The following WASF2 variants were observed in gnomAD, a reference collection of about 807,000 sequenced individuals.
WASF2 encodes the protein WASP family member 2, also known as actin-binding protein WASF2.
In WASF2, 14 loss-of-function variants were observed where a neutral mutation model predicts 45.0. The observed-to-expected ratio is 0.31, with a 90% confidence interval of 0.21 to 0.49. The LOEUF (loss-of-function observed/expected upper bound fraction) is 0.49, where lower values mean the gene tolerates loss of function less well. Among genes scored for constraint, WASF2 ranks in the 20% least tolerant of loss-of-function variants. WASF2 has a pLI of 0.99. For synonymous variants in WASF2, 200 were observed against 236.3 expected (o/e 0.85, Z 1.41); for missense variants, 439 against 636.1 (o/e 0.69, Z 3.33).
Position 27,439,887 on chromosome 1 carries a change from C to G in WASF2, c.-43-10954G>C, listed in dbSNP as rs192496621. Among the ~76,000 whole-genome samples the G allele has an allele frequency of 5.9e-5, 9 of 152,200 alleles. No individual in the cohort carries two copies. In the East Asian group the frequency reaches 1.5e-3, roughly 26 times the overall value. ...TAGTGGTACACACCTGTAGTCCCAT[C>G]TACTTGAGAAGCTGAGGCAGGAGAA... On this transcript the variant is annotated intron_variant, in intron 1 of 8. Transcript: ENST00000618852.
chr1:27,468,690 G>A (rs754394611), intron 1 of WASF2, among the ~76,000 whole-genome samples: 19 of 146,130 alleles, frequency 1.3e-4, no homozygotes, highest in South Asian at 4.4e-4. Context: ...TAAAAAAGAC[G>A]TAAAAGAGGC....
intron 1 of WASF2, among the ~76,000 whole-genome samples, chr1:27,480,931 G>A (rs1184833847): frequency 4.0e-5 from 6 of 151,510 alleles, no homozygotes; most frequent in African/African-American, 4.9e-5. Flanking sequence ...CCAATTACTC[G>A]GGAGGCTGAG....
intron 1 of WASF2, among the ~76,000 whole-genome samples, chr1:27,460,223 AT>A (rs775502642): frequency 1.5e-4 from 22 of 149,186 alleles, no homozygotes; most frequent in African/African-American, 3.7e-4. Flanking sequence ...TTAAATGCCA[AT>A]TTTTTTTTTA....
At chr1:27,443,695 T>A (rs2017275539) in intron 1 of WASF2, among the ~76,000 whole-genome samples, 1 of 152,184 alleles carries the variant, frequency 6.6e-6, no homozygotes, top group South Asian at 2.1e-4. Context: ...CTTGAGCCAC[T>A]AGCTATATGA....
chr1:27,487,737 G>A (rs1282431888), intron 1 of WASF2, among the ~76,000 whole-genome samples: 36 of 117,294 alleles, frequency 3.1e-4, no homozygotes, highest in Non-Finnish European at 5.8e-4. Context: ...ATTATATAAT[G>A]TATATCATAT....
chr1:27,488,509 C>T (rs1312984765), intron 1 of WASF2, among the ~76,000 whole-genome samples: 1 of 152,162 alleles, frequency 6.6e-6, no homozygotes, highest in Non-Finnish European at 1.5e-5. Flanking sequence ...GAACCAAAGT[C>T]TAGTCTATAT....
chr1:27,426,302 A>G (rs917861550), intron 2 of WASF2, among the ~76,000 whole-genome samples: 2 of 152,210 alleles, frequency 1.3e-5, no homozygotes, highest in Non-Finnish European at 2.9e-5. Flanking sequence ...TCTGGCAGGG[A>G]TATAGGAACA....
chr1:27,467,365 A>G (rs1306859267), intron 1 of WASF2, among the ~76,000 whole-genome samples: 1 of 149,628 alleles, frequency 6.7e-6, no homozygotes, highest in African/African-American at 2.4e-5. Context: ...CAGTGGTGCA[A>G]TCTCAGCTCA....
rs373647481 is a variant in WASF2 at position 27,470,662 on chromosome 1, TGGG to T, written c.-44+19321_-44+19323del. On this transcript the variant is annotated intron_variant, in intron 1 of 8. Coordinates refer to ENST00000618852, the MANE Select transcript of WASF2 (RefSeq NM_006990.5). Reference sequence around the variant, plus strand: ...ATGAAGAGCAGTAAGTCAGGGGATTTGGGGGGCTGGGGAGTGGGGTGGGCAGGA... The same window carrying T: ...ATGAAGAGCAGTAAGTCAGGGGATTTGGGCTGGGGAGTGGGGTGGGCAGGA... Among the ~76,000 whole-genome samples the T allele has an allele frequency of 2.9e-5, 3 of 104,470 alleles. No homozygotes were observed. The Admixed American group carries it at 3.3e-4, about 12-fold the overall frequency. The allele number at this position is 104,470 out of a possible 152,430, so 68.5% of individuals were successfully genotyped here.
At chr1:27,441,839 T>G (rs1395078809) in intron 1 of WASF2, among the ~76,000 whole-genome samples, 1 of 144,466 alleles carries the variant, frequency 6.9e-6, no homozygotes, top group Non-Finnish European at 1.5e-5. Flanking sequence ...GGCATGAGAA[T>G]CACTTGAATC....
intron 1 of WASF2, among the ~76,000 whole-genome samples, chr1:27,444,674 G>C (rs2017288877): frequency 6.6e-6 from 1 of 152,188 alleles, no homozygotes. Flanking sequence ...CAGGAACATG[G>C]AGACAAATAC....
rs1012193244 is a variant in WASF2 at position 27,449,919 on chromosome 1, G to A, written c.-43-20986C>T. The stretch of plus-strand genomic sequence containing the variant: ...AGCACTTTGGGAGGCTGAGGTGGGC[G>A]GATCGTCTGAGGTCAGGAGTTCGAG... On this transcript the variant is annotated intron_variant, in intron 1 of 8. Transcript: ENST00000618852. Among the ~76,000 whole-genome samples, 5 of 152,004 alleles carry A rather than the reference G, an allele frequency of 3.3e-5. No individual in the cohort carries two copies. The East Asian group carries it at 7.8e-4, about 24-fold the overall frequency.
chr1:27,441,115 G>A lies in WASF2; in HGVS notation c.-43-12182C>T, dbSNP rs573524345. Among the ~76,000 whole-genome samples, 77 of 152,128 alleles carry A rather than the reference G, an allele frequency of 5.1e-4. 1 individual carries two copies. The highest frequency in any genetic ancestry group is 1.8e-3 in the African/African-American group (73 of 41,534). On this transcript the variant is annotated intron_variant, in intron 1 of 8. Coordinates refer to ENST00000618852, the MANE Select transcript of WASF2 (RefSeq NM_006990.5). ...ACTCCTGAGCTCAAGCGATCTGCCC[G>A]CCTCAGCCTCCCAATGTGCTGGGAT...
At chr1:27,444,621 G>T (rs1242521522) in intron 1 of WASF2, among the ~76,000 whole-genome samples, 2 of 152,168 alleles carry the variant, frequency 1.3e-5, no homozygotes, top group Non-Finnish European at 2.9e-5. Flanking sequence ...TTCAGTGGAG[G>T]CCAAGAAGTA....
chr1:27,406,816 C>G lies in WASF2; in HGVS notation c.*1373G>C, dbSNP rs1411588283. On this transcript the variant is annotated 3_prime_UTR_variant, in exon 9 of 9. Coordinates refer to ENST00000618852, the MANE Select transcript of WASF2 (RefSeq NM_006990.5). ...CTGCTTCATGGCTGCCAGGCACCCC[C>G]CACCCCCAGGCAGGTACTGGCATGG... The G allele has an allele frequency of 6.6e-6, 1 of 152,284 alleles. No homozygotes were observed. Among genetic ancestry groups the G allele is most frequent in the African/African-American group, 2.4e-5 (1 of 41,456 alleles). The allele number at this position is 152,284 out of a possible 1,614,324, so 9.4% of individuals were successfully genotyped here. A position where few individuals can be genotyped will look rare whatever the true frequency, so the allele number is the denominator to read the frequency against.
intron 1 of WASF2, among the ~76,000 whole-genome samples, chr1:27,487,564 CAATATAT>C (rs1423654786): frequency 2.5e-5 from 2 of 80,770 alleles, no homozygotes; most frequent in Non-Finnish European, 4.6e-5. Flanking sequence ...ATATTTTATA[CAATATAT>C]AATATATATT....
chr1:27,408,195 G>A lies in WASF2; in HGVS notation c.1491C>T (p.Ser497=), dbSNP rs141539142. The A allele has an allele frequency of 2.0e-4, 323 of 1,612,120 alleles. No homozygotes were observed. Among genetic ancestry groups the A allele is most frequent in the Middle Eastern group, 4.9e-4 (3 of 6,074 alleles). ...GGGCAGCAGGCAGAAAGAGTTAATC[G>A]GACCAGTCGTCCTCATCAAATTCAG... The part of the protein sequence containing the change: ...DSSEFDEDDW[S]D The change falls in exon 9 of 9, where the codon TCC becomes TCT. Residue 497 remains serine (S), a synonymous_variant. Coordinates refer to ENST00000618852, the MANE Select transcript of WASF2 (RefSeq NM_006990.5).
intron 1 of WASF2, among the ~76,000 whole-genome samples, chr1:27,438,856 A>G (rs939859569): frequency 1.3e-5 from 2 of 152,248 alleles, no homozygotes; most frequent in African/African-American, 2.4e-5. Flanking sequence ...TGTCACACAC[A>G]TATCTGTCAC....
intron 1 of WASF2, among the ~76,000 whole-genome samples, chr1:27,442,905 C>T (rs555749365): frequency 6.8e-6 from 1 of 147,978 alleles, no homozygotes; most frequent in Non-Finnish European, 1.5e-5. Flanking sequence ...GGAGGAGAAT[C>T]GCTTGAACCT....
Sources: gnomAD v4.1 joint callset for allele counts (sites outside exome capture counted in the v4.1 genomes callset) on GRCh38, gnomAD v4.1.1 for gene constraint, MANE v1.5 for transcripts, NCBI Gene and HGNC (gene_info 2026-07-23, HGNC 2026-07-21) for gene names.